The following SPG11 variants were observed in gnomAD, a reference collection of about 807,000 sequenced individuals.
SPG11 encodes spatacsin.
In SPG11, 222 loss-of-function variants were observed where a neutral mutation model predicts 274.0. That is an observed-to-expected ratio of 0.81 (90% CI 0.73 to 0.91). The LOEUF is 0.91. Among genes scored for constraint, SPG11 ranks in the 40% least tolerant of loss-of-function variants. The pLI is 0.00. For synonymous variants in SPG11, 1,144 were observed against 1,039.7 expected (o/e 1.10, Z -1.93); for missense variants, 3,114 against 2,872.7 (o/e 1.08, Z -1.92).
intron 27 of SPG11, among the ~76,000 whole-genome samples, chr15:44,592,003 C>G (rs2082910912): frequency 6.6e-6 from 1 of 151,288 alleles, no homozygotes; most frequent in African/African-American, 2.4e-5. Flanking sequence ...CCCAGCTACT[C>G]TGGAGGCTGA....
intron 35 of SPG11, among the ~76,000 whole-genome samples, 161 bp from the exon 36 acceptor site, chr15:44,567,753 A>G (rs1355216976): frequency 6.6e-6 from 1 of 152,212 alleles, no homozygotes; most frequent in Non-Finnish European, 1.5e-5. Context: ...AGTATGAGGA[A>G]ACAGGCATGT....
chr15:44,638,711 G>C (rs2084354309), intron 7 of SPG11, among the ~76,000 whole-genome samples: 2 of 151,884 alleles, frequency 1.3e-5, no homozygotes, highest in African/African-American at 4.8e-5. Context: ...ATAATTATTT[G>C]TTGGCCAAGT....
chr15:44,587,704 A>C (rs1425931712), intron 28 of SPG11, among the ~76,000 whole-genome samples: 3 of 150,764 alleles, frequency 2.0e-5, no homozygotes, highest in South Asian at 2.1e-4. Context: ...AAAAAAAAAA[A>C]AAAAAAAAAA....
chr15:44,658,761 A>G (rs1277340161), intron 3 of SPG11, among the ~76,000 whole-genome samples: 1 of 152,172 alleles, frequency 6.6e-6, no homozygotes, highest in African/African-American at 2.4e-5. Context: ...ACCTGGCCAC[A>G]TAAGCACATA....
At chr15:44,597,219 T>C (rs899117267) in intron 23 of SPG11, 1 of 335,362 alleles carries the variant, frequency 3.0e-6, no homozygotes, top group Admixed American at 4.1e-5. Flanking sequence ...GTTCAAGCAG[T>C]TCTCCTGTCT....
In SPG11 at chr15:44,564,605, C is replaced by A; in HGVS notation, c.7093G>T (p.Glu2365Ter). 6.2e-7 allele frequency: 1 copy of A among 1,613,810 alleles called. No individual in the cohort carries two copies. Among genetic ancestry groups the A allele is most frequent in the Non-Finnish European group, 8.5e-7 (1 of 1,179,730 alleles). ...VILKGDFNYL[E>*]EFKQQRLLKS... ...AATAACCTTTGCTGCTTAAATTCTT[C>A]CAAGTAATTAAAGTCTCCTTTAAGA... The change falls in exon 39 of 40, where the codon GAA becomes TAA. Residue 2365 changes from glutamate (E) to a stop codon, truncating the protein, a stop_gained. Coordinates refer to ENST00000261866, the MANE Select transcript of SPG11 (RefSeq NM_025137.4). LOFTEE classifies it high-confidence loss of function.
rs145051620 is a variant in SPG11 at position 44,629,710 on chromosome 15, C to T, written c.1736-322G>A. On this transcript the variant is annotated intron_variant, in intron 8 of 39. Transcript: ENST00000261866. ...TTAAGAGGTAGGTGTGTATTATATT[C>T]TCTTTCCATAGATTAAAAAAACTGA... Among the ~76,000 whole-genome samples the T allele has an allele frequency of 2.1e-3, 321 of 152,248 alleles. 1 individual carries two copies. The highest frequency in any genetic ancestry group is 7.3e-3 in the African/African-American group (305 of 41,536).
intron 27 of SPG11, chr15:44,590,525 C>T (rs2082876975): frequency 6.6e-6 from 1 of 152,192 alleles, no homozygotes; most frequent in African/African-American, 2.4e-5. Context: ...ATTCTCCCAC[C>T]TCTGCCTCCC....
At chr15:44,642,349 A>G (rs1253406548) in intron 7 of SPG11, among the ~76,000 whole-genome samples, 2 of 144,318 alleles carry the variant, frequency 1.4e-5, no homozygotes, top group Non-Finnish European at 3.0e-5. Flanking sequence ...TGGGTGACAG[A>G]GTAAGACTCC....
chr15:44,568,031 C>T (rs2082345049), intron 35 of SPG11, among the ~76,000 whole-genome samples: 1 of 152,172 alleles, frequency 6.6e-6, no homozygotes, highest in South Asian at 2.1e-4. Flanking sequence ...GGGAAATAGT[C>T]ATGATATACT....
chr15:44,611,379 G>T (rs2083456643), intron 17 of SPG11, among the ~76,000 whole-genome samples: 1 of 152,094 alleles, frequency 6.6e-6, no homozygotes. Context: ...AAATATAAAT[G>T]CCTGACACAT....
Position 44,597,110 on chromosome 15 carries a change from CT to C in SPG11, c.4002-168del, listed in dbSNP as rs201600828. 53,878 of 338,404 alleles carry C rather than the reference CT, an allele frequency of 0.16. 76 individuals carry two copies. Among genetic ancestry groups the C allele is most frequent in the South Asian group, 0.23 (9,111 of 39,672 alleles). 21.0% of individuals were successfully genotyped at this position (338,404 alleles called of 1,614,324 possible). A position where few individuals can be genotyped will look rare whatever the true frequency, so the allele number is the denominator to read the frequency against. ...TAGGCTACTTTGAAAAAAGTAGATT[CT>C]TTTTTTTTTTTTTTTTTTTGAGACA... On this transcript the variant is annotated intron_variant, in intron 23 of 39. Transcript: ENST00000261866.
intron 4 of SPG11, among the ~76,000 whole-genome samples, chr15:44,653,129 T>C (rs1206817037): frequency 6.6e-6 from 1 of 152,046 alleles, no homozygotes; most frequent in Non-Finnish European, 1.5e-5. Context: ...GGGATGAGGC[T>C]AGAAAGATGG....
At chr15:44,636,638 G>A (rs952994428) in intron 7 of SPG11, among the ~76,000 whole-genome samples, 1 of 151,798 alleles carries the variant, frequency 6.6e-6, no homozygotes, top group Admixed American at 6.6e-5. Context: ...CTCCAGCCTG[G>A]GCAACAGAGT....
intron 16 of SPG11, among the ~76,000 whole-genome samples, chr15:44,614,322 C>A (rs1181198138): frequency 2.0e-5 from 3 of 151,990 alleles, no homozygotes; most frequent in African/African-American, 7.2e-5. Context: ...ACCTCCTAGG[C>A]TCAAAGTAAT....
intron 27 of SPG11, among the ~76,000 whole-genome samples, chr15:44,590,179 C>T (rs1039281746): frequency 1.3e-5 from 2 of 152,332 alleles, no homozygotes; most frequent in African/African-American, 2.4e-5. Flanking sequence ...TTATAAAAAC[C>T]GCTTAGAAAG....
At chr15:44,566,338 T>G in intron 36 of SPG11, 33 bp from the exon 37 acceptor site, 1 of 1,597,762 alleles carries the variant, frequency 6.3e-7, no homozygotes, top group South Asian at 1.1e-5. Flanking sequence ...TTGCCGAGTC[T>G]GACTCCCAAA....
chr15:44,622,436 C>T, intron 12 of SPG11, 89 bp from the exon 13 acceptor site: 1 of 1,087,072 alleles, frequency 9.2e-7, no homozygotes, highest in South Asian at 1.5e-5. Context: ...TAAGGTAGTG[C>T]TGGGAATTAA....
Position 44,573,764 on chromosome 15 carries a change from C to T in SPG11, c.6007-19G>A. 6.2e-7 allele frequency: 1 copy of T among 1,613,710 alleles called. No individual in the cohort carries two copies. Among genetic ancestry groups the T allele is most frequent in the Non-Finnish European group, 8.5e-7 (1 of 1,179,664 alleles). ...CCAACTCCTGAGAGGAAGACAAAGCCAGTCAAGGCCACTTTTAGAAGCCAG... is the reference window on the plus strand; with the variant it reads ...CCAACTCCTGAGAGGAAGACAAAGCTAGTCAAGGCCACTTTTAGAAGCCAG... On this transcript the variant is annotated intron_variant, in intron 31 of 39. Transcript: ENST00000261866.
Sources: allele counts gnomAD v4.1 joint callset (sites outside exome capture counted in the v4.1 genomes callset), GRCh38; gene constraint gnomAD v4.1.1; transcripts MANE v1.5; gene names NCBI Gene and HGNC (gene_info 2026-07-23, HGNC 2026-07-21).